Variants in SPATA31H1 observed in about 807,000 individuals in gnomAD.
SPATA31H1 encodes the protein spermatogenesis-associated protein 31H1.
At chr2:27,548,689 G>A in the SPATA31H1 span, among the ~76,000 whole-genome samples, 1 of 150,690 alleles carries the variant, frequency 6.6e-6, no homozygotes, top group Non-Finnish European at 1.5e-5. Context: ...ATCACAGATT[G>A]AAATGGATTT....
chr2:27,572,446 T>G, the SPATA31H1 span: 3 of 397,206 alleles, frequency 7.6e-6, no homozygotes, highest in Admixed American at 8.8e-5. Context: ...TCCATACAGT[T>G]GGGAGATATG....
chr2:27,579,383 A>T, the SPATA31H1 span: 1 of 1,614,192 alleles, frequency 6.2e-7, no homozygotes, highest in Non-Finnish European at 8.5e-7. Flanking sequence ...AACTGATGGA[A>T]CCTTCCCAGA....
the SPATA31H1 span, chr2:27,578,176 A>C: frequency 6.2e-7 from 1 of 1,614,154 alleles, no homozygotes; most frequent in Non-Finnish European, 8.5e-7. Flanking sequence ...CCAACCCCTC[A>C]AATGGTAGAA....
the SPATA31H1 span, among the ~76,000 whole-genome samples, chr2:27,565,725 C>G: frequency 3.3e-5 from 5 of 152,170 alleles, no homozygotes; most frequent in African/African-American, 9.7e-5. Flanking sequence ...CCCCCCACCA[C>G]AGATACTGGA....
chr2:27,580,207 C>T, the SPATA31H1 span: 1 of 1,614,200 alleles, frequency 6.2e-7, no homozygotes, highest in African/African-American at 1.3e-5. Flanking sequence ...AAGAGTCCTA[C>T]TTCCACAATA....
At chr2:27,579,202 G>C in the SPATA31H1 span, 3 of 1,614,066 alleles carry the variant, frequency 1.9e-6, no homozygotes, top group African/African-American at 2.7e-5. Flanking sequence ...GTCTGGGAGA[G>C]TCATGCCTGG....
chr2:27,563,089 AAT>A, the SPATA31H1 span, among the ~76,000 whole-genome samples: 1,368 of 152,036 alleles, frequency 9.0e-3, 23 homozygotes, highest in African/African-American at 0.031. Flanking sequence ...TATTGTGAAG[AAT>A]ATCTTTTATT....
chr2:27,561,168 G>A, the SPATA31H1 span, among the ~76,000 whole-genome samples: 2 of 151,968 alleles, frequency 1.3e-5, no homozygotes, highest in African/African-American at 2.4e-5. Context: ...CTGTCCCTAC[G>A]AAAAATACAA....
the SPATA31H1 span, chr2:27,580,176 A>T: frequency 1.6e-5 from 26 of 1,614,208 alleles, no homozygotes; most frequent in Non-Finnish European, 2.1e-5. Flanking sequence ...AAGGAAAGCT[A>T]AAATCTATAC....
chr2:27,579,504 T>A, the SPATA31H1 span: 34 of 1,614,114 alleles, frequency 2.1e-5, no homozygotes, highest in East Asian at 7.1e-4. Context: ...CTTAAGGATA[T>A]GGACACGTGG....
At chr2:27,567,070 C>G in the SPATA31H1 span, 2 of 717,410 alleles carry the variant, frequency 2.8e-6, no homozygotes, top group Non-Finnish European at 5.2e-6. Flanking sequence ...CAGAATTTGG[C>G]AGATCTTTCA....
chr2:27,573,668 T>C, the SPATA31H1 span: 1 of 398,384 alleles, frequency 2.5e-6, no homozygotes, highest in Non-Finnish European at 4.4e-6. Flanking sequence ...ACTCGCAAGA[T>C]GTGAAATCTT....
chr2:27,545,579 C>CT, the SPATA31H1 span, among the ~76,000 whole-genome samples: 74,169 of 141,234 alleles, frequency 0.53, 19,825 homozygotes, highest in East Asian at 0.84. Context: ...TTTCCTTTTT[C>CT]TTTTTTTTTT....
chr2:27,538,031 T>C, the SPATA31H1 span, among the ~76,000 whole-genome samples: 2 of 151,950 alleles, frequency 1.3e-5, no homozygotes, highest in African/African-American at 2.4e-5. Flanking sequence ...GGAAAAAAGA[T>C]GTGGGAAAGG....
At chr2:27,581,227 G>A in the SPATA31H1 span, 2 of 1,614,080 alleles carry the variant, frequency 1.2e-6, no homozygotes, top group Non-Finnish European at 8.5e-7. Context: ...ACCCCACGCG[G>A]TCCTTCTGAG....
the SPATA31H1 span, among the ~76,000 whole-genome samples, chr2:27,550,407 T>C: frequency 6.7e-6 from 1 of 149,524 alleles, no homozygotes; most frequent in Non-Finnish European, 1.5e-5. Context: ...TGAATGGGTG[T>C]TAAATTTTTT....
At chr2:27,546,243 CT>C in the SPATA31H1 span, among the ~76,000 whole-genome samples, 86 of 152,158 alleles carry the variant, frequency 5.7e-4, 1 homozygote, top group African/African-American at 2.0e-3. Context: ...CTCCCTACCC[CT>C]ATCCCCAGTG....
chr2:27,572,940 G>A, the SPATA31H1 span: 1 of 397,860 alleles, frequency 2.5e-6, no homozygotes, highest in Non-Finnish European at 4.4e-6. Flanking sequence ...ATCGACCTCA[G>A]AGCCATATTT....
At chr2:27,573,764 A>T in the SPATA31H1 span, 1 of 398,542 alleles carries the variant, frequency 2.5e-6, no homozygotes, top group South Asian at 1.3e-4. Flanking sequence ...TGAAGTCTCC[A>T]GCGTTTACAC....
Sources: gnomAD v4.1 joint callset for allele counts (sites outside exome capture counted in the v4.1 genomes callset) on GRCh38, gnomAD v4.1.1 for gene constraint, MANE v1.5 for transcripts, NCBI Gene and HGNC (gene_info 2026-07-23, HGNC 2026-07-21) for gene names.